Variants in SOS1 observed in about 807,000 individuals in gnomAD.
SOS1 encodes the protein SOS Ras/Rac guanine nucleotide exchange factor 1, also known as son of sevenless homolog 1.
In SOS1, 25 loss-of-function variants were observed where a neutral mutation model predicts 157.6. That is an observed-to-expected ratio of 0.16 (90% confidence interval 0.12 to 0.22). The LOEUF (loss-of-function observed/expected upper bound fraction) is 0.22. Ranked by LOEUF, SOS1 falls within the 10% of genes least tolerant of loss-of-function variation. The probability of loss-of-function intolerance (pLI) is 1.00; values close to 1 mark genes in which losing one functional copy is unlikely to be tolerated. For synonymous variants in SOS1, 528 were observed against 534.0 expected (o/e 0.99, Z 0.16); for missense variants, 1,237 against 1,599.1 (o/e 0.77, Z 3.86).
chr2:39,028,254 T>C (rs187797535), intron 8 of SOS1, among the ~76,000 whole-genome samples: 133 of 152,332 alleles, frequency 8.7e-4, no homozygotes, highest in African/African-American at 3.2e-3. Context: ...GTCAATATGG[T>C]GTGTTCCATA....
intron 2 of SOS1, among the ~76,000 whole-genome samples, chr2:39,065,094 A>C (rs1671550266): frequency 6.6e-6 from 1 of 151,964 alleles, no homozygotes; most frequent in African/African-American, 2.4e-5. Flanking sequence ...CTCAAAACTT[A>C]AGAAAAATAT....
At chr2:39,093,576 C>G (rs891991123) in intron 1 of SOS1, among the ~76,000 whole-genome samples, 5 of 152,190 alleles carry the variant, frequency 3.3e-5, no homozygotes, top group Non-Finnish European at 7.3e-5. Context: ...AATATCTAAT[C>G]TATTTGTTAA....
intron 1 of SOS1, among the ~76,000 whole-genome samples, chr2:39,119,746 C>G (rs1288860619): frequency 6.6e-6 from 1 of 152,152 alleles, no homozygotes; most frequent in African/African-American, 2.4e-5. Context: ...GAATCTCGAA[C>G]GCTGCAAAAA....
chr2:39,036,465 C>T (rs1030424852), intron 6 of SOS1, among the ~76,000 whole-genome samples: 13 of 152,152 alleles, frequency 8.5e-5, no homozygotes, highest in Non-Finnish European at 1.3e-4. Context: ...ATCCTCCCAC[C>T]TCAGTCTCCT....
intron 21 of SOS1, among the ~76,000 whole-genome samples, chr2:38,988,275 G>C (rs1039001052): frequency 2.0e-5 from 3 of 152,086 alleles, no homozygotes; most frequent in African/African-American, 4.8e-5. Context: ...CTAAAATCTA[G>C]TGAATCTGAT....
At chr2:39,117,785 A>G (rs1397710306) in intron 1 of SOS1, among the ~76,000 whole-genome samples, 1 of 152,250 alleles carries the variant, frequency 6.6e-6, no homozygotes, top group Admixed American at 6.5e-5. Context: ...CTAGAAGAAC[A>G]TGTCAAAGGG....
chr2:39,104,247 A>C (rs1673081086), intron 1 of SOS1, among the ~76,000 whole-genome samples: 1 of 152,128 alleles, frequency 6.6e-6, no homozygotes, highest in Non-Finnish European at 1.5e-5. Context: ...ACACCATCAC[A>C]CTCCAGCCTG....
chr2:39,085,260 A>G (rs1019731501), intron 1 of SOS1, among the ~76,000 whole-genome samples: 1 of 152,046 alleles, frequency 6.6e-6, no homozygotes, highest in Non-Finnish European at 1.5e-5. Context: ...GTTGCTGAGG[A>G]TGGTCTCAAA....
At chr2:39,051,101 G>C (rs774014426) in intron 6 of SOS1, 43 bp downstream of exon 6, 1 of 1,589,068 alleles carries the variant, frequency 6.3e-7, no homozygotes, top group South Asian at 1.1e-5. Context: ...TGTAAATGTA[G>C]GCTTTTATGC....
At chr2:39,112,348 C>G (rs1673472685) in intron 1 of SOS1, among the ~76,000 whole-genome samples, 1 of 152,160 alleles carries the variant, frequency 6.6e-6, no homozygotes, top group South Asian at 2.1e-4. Context: ...CCCTCTCTCT[C>G]TTGCTCTTTC....
intron 20 of SOS1, among the ~76,000 whole-genome samples, chr2:38,990,489 C>G (rs563206888): frequency 6.6e-6 from 1 of 152,132 alleles, no homozygotes; most frequent in African/African-American, 2.4e-5. Context: ...TTGAAGATTG[C>G]CTGGTTGTAA....
At chr2:39,021,525 G>GAAAAAAA (rs70954777) in intron 10 of SOS1, among the ~76,000 whole-genome samples, 6 of 104,694 alleles carry the variant, frequency 5.7e-5, no homozygotes, top group Admixed American at 1.9e-4. Flanking sequence ...TGCTCTACAG[G>GAAAAAAA]AAAAAAAAAA....
intron 22 of SOS1, among the ~76,000 whole-genome samples, chr2:38,987,106 T>C (rs1668581228): frequency 6.6e-6 from 1 of 152,232 alleles, no homozygotes; most frequent in Non-Finnish European, 1.5e-5. Context: ...AAGTAAATTT[T>C]AGCATATGTC....
chr2:39,077,545 C>G (rs1208824409), intron 1 of SOS1, among the ~76,000 whole-genome samples: 4 of 151,886 alleles, frequency 2.6e-5, no homozygotes, highest in Admixed American at 6.6e-5. Flanking sequence ...CTAAGGCACT[C>G]CTAAAGAAAA....
Position 38,989,485 on chromosome 2 carries a change from A to G in SOS1, c.3347-171T>C, listed in dbSNP as rs899437099. 2.0e-5 allele frequency among the ~76,000 whole-genome samples: 3 copies of G among 152,152 alleles called. No homozygotes were observed. In the South Asian group the frequency reaches 6.2e-4, roughly 31 times the overall value. Reference sequence around the variant, plus strand: ...ACTTACTTTTGAGAAGAAAAAAATGATATCATATTGGGAATTTAAGATTCC... The same window carrying G: ...ACTTACTTTTGAGAAGAAAAAAATGGTATCATATTGGGAATTTAAGATTCC... On this transcript the variant is annotated intron_variant, in intron 20 of 22. Transcript: ENST00000402219.
intron 4 of SOS1, 63 bp downstream of exon 4, chr2:39,056,639 G>A (rs1047375742): frequency 3.0e-6 from 3 of 1,003,734 alleles, no homozygotes; most frequent in South Asian, 1.3e-5. Flanking sequence ...TGAATAGTAC[G>A]TTAGCATCTA....
At chr2:38,997,472 A>AG in intron 17 of SOS1, 47 bp from the exon 18 acceptor site, 1 of 1,326,362 alleles carries the variant, frequency 7.5e-7, no homozygotes, top group Non-Finnish European at 1.0e-6. Context: ...AGGAAAATGC[A>AG]AGTTTTTTTC....
intron 22 of SOS1, 37 bp downstream of exon 22, chr2:38,987,436 G>T (rs1668589798): frequency 3.8e-6 from 4 of 1,057,066 alleles, no homozygotes; most frequent in South Asian, 2.6e-5. Context: ...GAACTGTAAT[G>T]ATTCCAATTT....
At chr2:39,052,668 C>T (rs775654234) in intron 5 of SOS1, among the ~76,000 whole-genome samples, 5 of 152,140 alleles carry the variant, frequency 3.3e-5, no homozygotes, top group Non-Finnish European at 7.4e-5. Context: ...TATGGTCATA[C>T]CACAGTTTGT....
Sources: allele counts gnomAD v4.1 joint callset (sites outside exome capture counted in the v4.1 genomes callset), GRCh38; gene constraint gnomAD v4.1.1; transcripts MANE v1.5; gene names NCBI Gene and HGNC (gene_info 2026-07-23, HGNC 2026-07-21).